Variants in YIPF5 observed in about 807,000 individuals in gnomAD.
YIPF5 encodes Yip1 domain family member 5, also known as protein YIPF5.
YIPF5 carries 8 observed loss-of-function variants against 30.4 expected under a neutral mutation model. The observed-to-expected ratio is 0.26, with a 90% confidence interval of 0.15 to 0.47. YIPF5 has a LOEUF of 0.47. YIPF5 is among the 20% of genes least tolerant of loss of function. YIPF5 has a pLI of 0.99. For missense variants in YIPF5, 282 were observed against 301.8 expected, an observed-to-expected ratio of 0.93 and a Z score of 0.49; for synonymous variants, 104 against 107.9, an observed-to-expected ratio of 0.96 and a Z score of 0.23.
Position 144,160,446 on chromosome 5 carries a change from T to C in YIPF5, c.725A>G (p.Tyr242Cys). ...GACTCCATATAACAAAGCGCAAGGA[T>C]ATGCTACTAAAAGTTGCTGTCCTTC... ...AMEGQQLLVA[Y>C]PCALLYGVFA... is the part of the protein sequence containing the mutation. Residue 242 changes from tyrosine to cysteine, a missense_variant, in exon 6 of 6, where the codon TAT (tyrosine) becomes TGT (cysteine). By Grantham distance (194) the Tyr-to-Cys change is radical. Coordinates refer to ENST00000274496, the MANE Select transcript of YIPF5 (RefSeq NM_030799.9). 6.2e-7 allele frequency: 1 copy of C among 1,614,172 alleles called. No homozygotes were observed. The highest frequency in any genetic ancestry group is 8.5e-7 in the Non-Finnish European group (1 of 1,180,026).
At chr5:144,163,477 CTGAAGGATTAAA>C (rs1439088864) in intron 4 of YIPF5, among the ~76,000 whole-genome samples, 1 of 152,082 alleles carries the variant, frequency 6.6e-6, no homozygotes, top group Non-Finnish European at 1.5e-5. Context: ...TGAGAGGAAA[CTGAAGGATTAAA>C]TGATGTGGCC....
Position 144,159,267 on chromosome 5 carries a change from T to A in YIPF5, c.*1130A>T, listed in dbSNP as rs1020701739. ...AGTAAAAGTAAATTCAATAACACAGTTAAAATTAATTGGGAAAGTTTTAAT... is the reference window on the plus strand; with the variant it reads ...AGTAAAAGTAAATTCAATAACACAGATAAAATTAATTGGGAAAGTTTTAAT... On this transcript the variant is annotated 3_prime_UTR_variant, in exon 6 of 6. Coordinates refer to ENST00000274496, the MANE Select transcript of YIPF5 (RefSeq NM_030799.9). The A allele has an allele frequency of 4.1e-6, 4 of 972,750 alleles. No homozygotes were observed. In the Admixed American group the frequency reaches 2.5e-4, roughly 60 times the overall value. 60.3% of individuals were successfully genotyped at this position (972,750 alleles called of 1,614,324 possible).
chr5:144,168,568 T>C (rs1369228788), intron 2 of YIPF5, among the ~76,000 whole-genome samples: 5 of 152,178 alleles, frequency 3.3e-5, no homozygotes, highest in Non-Finnish European at 7.3e-5. Flanking sequence ...TGCCCATTAA[T>C]TTATCAAAAG....
intron 3 of YIPF5, 94 bp from the exon 4 acceptor site, chr5:144,164,350 G>T: frequency 8.8e-7 from 1 of 1,138,704 alleles, no homozygotes; most frequent in Non-Finnish European, 1.2e-6. Flanking sequence ...AAATGACATA[G>T]CATCAAAAAA....
At position 144,160,333 on chromosome 5, in the gene YIPF5, A is replaced by G; in HGVS notation, c.*64T>C. On this transcript the variant is annotated 3_prime_UTR_variant, in exon 6 of 6. Coordinates refer to ENST00000274496, the MANE Select transcript of YIPF5 (RefSeq NM_030799.9). ...TGCGCTGCAGCAGTTTGCTGGTCCAATTTAAGAGTTCAAGGTCCTTTTTGT... is the reference window on the plus strand; with the variant it reads ...TGCGCTGCAGCAGTTTGCTGGTCCAGTTTAAGAGTTCAAGGTCCTTTTTGT... 1.3e-6 allele frequency: 2 copies of G among 1,554,338 alleles called. No individual in the cohort carries two copies. Among genetic ancestry groups the G allele is most frequent in the East Asian group, 2.3e-5 (1 of 44,064 alleles).
chr5:144,166,427 C>T (rs1189378704), intron 2 of YIPF5, among the ~76,000 whole-genome samples: 1 of 152,048 alleles, frequency 6.6e-6, no homozygotes, highest in African/African-American at 2.4e-5. Context: ...ACTGATGGGA[C>T]TAATCTAATG....
chr5:144,167,078 C>T (rs1290516075), intron 2 of YIPF5, among the ~76,000 whole-genome samples: 1 of 152,122 alleles, frequency 6.6e-6, no homozygotes, highest in Non-Finnish European at 1.5e-5. Context: ...AGAAGAGTCT[C>T]AAGGACCCTC....
At chr5:144,163,771 T>TAA (rs10712448) in intron 4 of YIPF5, 3 of 158,668 alleles carry the variant, frequency 1.9e-5, no homozygotes, top group East Asian at 1.7e-4. Flanking sequence ...ATGCTGTCAT[T>TAA]AAAAAAAAAA....
chr5:144,158,613 T>C lies in YIPF5; in HGVS notation c.*1784A>G, dbSNP rs1167270920. 1 of 1,063,810 alleles carries C rather than the reference T, an allele frequency of 9.4e-7. No homozygotes were observed. The highest frequency in any genetic ancestry group is 1.7e-5 in the African/African-American group (1 of 57,668). 65.9% of individuals were successfully genotyped at this position (1,063,810 alleles called of 1,614,324 possible). ...CAAAAACTATACTGAAAAAGACAAA[T>C]GAATTGAAAAAGACAAAAATACTAT... is the stretch of plus-strand genomic sequence containing the variant. On this transcript the variant is annotated 3_prime_UTR_variant, in exon 6 of 6. Transcript: ENST00000274496.
chr5:144,167,338 A>G (rs1752230384), intron 2 of YIPF5, among the ~76,000 whole-genome samples: 1 of 152,176 alleles, frequency 6.6e-6, no homozygotes, highest in African/African-American at 2.4e-5. Flanking sequence ...CACGATCTTT[A>G]CAGGCTAAAA....
chr5:144,164,351 C>A, intron 3 of YIPF5, 95 bp from the exon 4 acceptor site: 2 of 1,127,800 alleles, frequency 1.8e-6, no homozygotes, highest in Admixed American at 2.6e-5. Flanking sequence ...AATGACATAG[C>A]ATCAAAAAAG....
intron 2 of YIPF5, among the ~76,000 whole-genome samples, chr5:144,169,599 A>G (rs1158281508): frequency 6.6e-6 from 1 of 152,238 alleles, no homozygotes; most frequent in African/African-American, 2.4e-5. Flanking sequence ...CAGTTCTTCA[A>G]ACAAGCTACT....
At position 144,160,203 on chromosome 5, in the gene YIPF5, C is replaced by A; in HGVS notation, c.*194G>T. The A allele has an allele frequency of 1.5e-6, 2 of 1,333,140 alleles. No individual in the cohort carries two copies. Among genetic ancestry groups the A allele is most frequent in the Non-Finnish European group, 1.9e-6 (2 of 1,044,126 alleles). 82.6% of individuals were successfully genotyped at this position (1,333,140 alleles called of 1,614,324 possible). A position where few individuals can be genotyped will look rare whatever the true frequency, so the allele number is the denominator to read the frequency against. On this transcript the variant is annotated 3_prime_UTR_variant, in exon 6 of 6. Coordinates refer to ENST00000274496, the MANE Select transcript of YIPF5 (RefSeq NM_030799.9). The stretch of plus-strand genomic sequence containing the variant: ...ACACAAACATTTAAAGCTAGTCACA[C>A]CGCAGGTAAATCCAATATAGTATGC...
chr5:144,166,266 T>C (rs558374079), intron 2 of YIPF5, among the ~76,000 whole-genome samples: 2 of 152,312 alleles, frequency 1.3e-5, no homozygotes, highest in East Asian at 3.9e-4. Flanking sequence ...GTTATACACT[T>C]ATTGTCTCAT....
chr5:144,164,675 C>T lies in YIPF5; in HGVS notation c.284-419G>A, dbSNP rs151219475. ...TCAGCCCCACAAAGCACTGGGATTACAGGCGTTGAGACATCGTGCCTGGCC... is the reference window on the plus strand; with the variant it reads ...TCAGCCCCACAAAGCACTGGGATTATAGGCGTTGAGACATCGTGCCTGGCC... On this transcript the variant is annotated intron_variant, in intron 3 of 5. Transcript: ENST00000274496. Among the ~76,000 whole-genome samples, 856 of 151,942 alleles carry T rather than the reference C, an allele frequency of 5.6e-3. 5 individuals are homozygous for T. The highest frequency in any genetic ancestry group is 0.01 in the Non-Finnish European group (705 of 67,956).
rs1468302028 is a variant in YIPF5 at position 144,160,368 on chromosome 5, C to G, written c.*29G>C. 6.3e-7 allele frequency: 1 copy of G among 1,598,536 alleles called. No homozygotes were observed. Among genetic ancestry groups the G allele is most frequent in the Non-Finnish European group, 8.5e-7 (1 of 1,170,036 alleles). On this transcript the variant is annotated 3_prime_UTR_variant, in exon 6 of 6. Transcript: ENST00000274496. ...TCAAGGTCCTTTTTGTACATCTGGC[C>G]CACTGATGTCCACATCCCAGATAAA...
intron 4 of YIPF5, among the ~76,000 whole-genome samples, chr5:144,163,282 T>C (rs1185637114): frequency 2.0e-5 from 3 of 152,214 alleles, no homozygotes; most frequent in Non-Finnish European, 4.4e-5. Flanking sequence ...TATTTGTAAA[T>C]ACTTGATTAA....
intron 3 of YIPF5, among the ~76,000 whole-genome samples, chr5:144,164,734 A>G (rs17101625): frequency 1.4e-4 from 22 of 152,182 alleles, no homozygotes; most frequent in Admixed American, 1.2e-3. Context: ...TCTCTATGCC[A>G]GTCTTCAATG....
Position 144,158,459 on chromosome 5 carries a change from C to T in YIPF5, c.*1938G>A, listed in dbSNP as rs1442006813. The T allele has an allele frequency of 7.8e-7, 1 of 1,274,100 alleles. No homozygotes were observed. Among genetic ancestry groups the T allele is most frequent in the Admixed American group, 2.5e-5 (1 of 39,906 alleles). The allele number at this position is 1,274,100 out of a possible 1,614,324, so 78.9% of individuals were successfully genotyped here. ...ACAACAAAAAAGAAAATAATTTGATCCATATGTGATATTTGGCTGAAGATT... is the reference window on the plus strand; with the variant it reads ...ACAACAAAAAAGAAAATAATTTGATTCATATGTGATATTTGGCTGAAGATT... On this transcript the variant is annotated 3_prime_UTR_variant, in exon 6 of 6. Transcript: ENST00000274496.
Sources: gnomAD v4.1 joint callset for allele counts (sites outside exome capture counted in the v4.1 genomes callset) on GRCh38, gnomAD v4.1.1 for gene constraint, MANE v1.5 for transcripts, NCBI Gene and HGNC (gene_info 2026-07-23, HGNC 2026-07-21) for gene names.